Variants in PRKN observed in about 807,000 individuals in gnomAD.
PRKN encodes parkin RBR E3 ubiquitin protein ligase, also known as E3 ubiquitin-protein ligase parkin.
A neutral mutation model predicts 59.5 loss-of-function variants in PRKN; 56 were observed. The observed-to-expected ratio is 0.94, with a 90% CI of 0.76 to 1.18. PRKN has a LOEUF of 1.18. PRKN is among the 50% of genes most tolerant of loss of function. The probability of loss-of-function intolerance (pLI) is 0.00; values close to 1 mark genes in which losing one functional copy is unlikely to be tolerated. For missense variants in PRKN, 657 were observed against 596.4 expected (o/e 1.10, Z -1.06); for synonymous variants, 250 against 222.1 (o/e 1.13, Z -1.12).
intron 7 of PRKN, among the ~76,000 whole-genome samples, chr6:161,587,436 T>C (rs1481884106): frequency 3.3e-5 from 5 of 152,212 alleles, no homozygotes; most frequent in Non-Finnish European, 2.9e-5. Context: ...TCATTATATG[T>C]CTGTGTAACA....
intron 6 of PRKN, among the ~76,000 whole-genome samples, chr6:161,813,949 T>C (rs1006535881): frequency 6.6e-6 from 1 of 152,230 alleles, no homozygotes; most frequent in Non-Finnish European, 1.5e-5. Flanking sequence ...TGATTCTGTT[T>C]CATACTCAGA....
chr6:162,317,615 T>C (rs989850676), intron 2 of PRKN, among the ~76,000 whole-genome samples: 11 of 152,020 alleles, frequency 7.2e-5, no homozygotes, highest in East Asian at 2.0e-4. Context: ...ACTCACTCGA[T>C]TGGGGAGAAA....
At chr6:162,147,344 G>GAAAA (rs767653516) in intron 4 of PRKN, among the ~76,000 whole-genome samples, 42 of 42,048 alleles carry the variant, frequency 1.0e-3, no homozygotes, top group Non-Finnish European at 1.9e-3. Context: ...CTCTGTCTCA[G>GAAAA]AAAAAAAAAA....
Position 161,548,806 on chromosome 6 carries a change from C to G in PRKN, c.1083+48G>C. ...TATAATCCCAGCCCATGTGCAAAAG[C>G]AAACAAGGACAGGAACACACCGCTC... On this transcript the variant is annotated intron_variant, in intron 9 of 11. Coordinates refer to ENST00000366898, the MANE Select transcript of PRKN (RefSeq NM_004562.3). The surrounding 1 kb of genome is among the most constrained non-coding windows in gnomAD (Gnocchi z 4.2). 6.3e-7 allele frequency: 1 copy of G among 1,576,970 alleles called. No individual in the cohort carries two copies. Among genetic ancestry groups the G allele is most frequent in the Non-Finnish European group, 8.7e-7 (1 of 1,150,048 alleles).
chr6:162,712,507 G>A (rs1020342685), intron 1 of PRKN, among the ~76,000 whole-genome samples: 1 of 152,130 alleles, frequency 6.6e-6, no homozygotes, highest in Non-Finnish European at 1.5e-5. Flanking sequence ...AGGGGCAAAG[G>A]AACTAGAGTA....
At chr6:161,693,151 T>C (rs373732172) in intron 7 of PRKN, among the ~76,000 whole-genome samples, 7 of 152,112 alleles carry the variant, frequency 4.6e-5, no homozygotes, top group African/African-American at 1.7e-4. Context: ...AAAAAGCTTA[T>C]AAAACATAGA....
chr6:162,048,486 G>C (rs1321244716), intron 5 of PRKN, among the ~76,000 whole-genome samples: 2 of 151,964 alleles, frequency 1.3e-5, no homozygotes, highest in Admixed American at 6.6e-5. Flanking sequence ...TTACGAGTTA[G>C]GATTCGGAAC....
At position 162,005,086 on chromosome 6, in the gene PRKN, T is replaced by C. The variant is rs1034302939; in HGVS notation, c.619-31669A>G. Among the ~76,000 whole-genome samples the C allele has an allele frequency of 1.1e-4, 17 of 152,334 alleles. 4 individuals carry two copies. Among genetic ancestry groups the C allele is most frequent in the Admixed American group, 9.8e-4 (15 of 15,296 alleles). On this transcript the variant is annotated intron_variant, in intron 5 of 11. Coordinates refer to ENST00000366898, the MANE Select transcript of PRKN (RefSeq NM_004562.3). ...AGTAATAGCTTTTGAAATCTGAAGA[T>C]ATGCCTGAAAAAGAAAGCTAATATA...
intron 6 of PRKN, among the ~76,000 whole-genome samples, chr6:161,964,912 C>A (rs1159543994): frequency 6.6e-6 from 1 of 152,134 alleles, no homozygotes; most frequent in South Asian, 2.1e-4. Flanking sequence ...AAAGAACTTA[C>A]ACAGTAATTC....
intron 2 of PRKN, among the ~76,000 whole-genome samples, chr6:162,427,307 C>T (rs888275095): frequency 3.6e-4 from 55 of 152,262 alleles, no homozygotes; most frequent in African/African-American, 1.2e-3. Context: ...TGCACAAATA[C>T]CACACCCAGG....
intron 1 of PRKN, among the ~76,000 whole-genome samples, chr6:162,564,245 T>G (rs2128206918): frequency 6.6e-6 from 1 of 152,000 alleles, no homozygotes; most frequent in Admixed American, 6.6e-5. Context: ...GTTGGGAGGC[T>G]AAGGCAGAAG....
At chr6:162,540,064 C>T (rs916941218) in intron 1 of PRKN, among the ~76,000 whole-genome samples, 5 of 151,858 alleles carry the variant, frequency 3.3e-5, no homozygotes, top group African/African-American at 1.2e-4. Flanking sequence ...TATAGGCGCC[C>T]ACCACCATGC....
At chr6:161,710,919 T>C (rs1315001146) in intron 7 of PRKN, among the ~76,000 whole-genome samples, 9 of 109,700 alleles carry the variant, frequency 8.2e-5, no homozygotes, top group South Asian at 3.9e-4. Flanking sequence ...CTTTCCTTCC[T>C]TCCTCACCCC....
chr6:162,152,141 T>C (rs1360014929), intron 4 of PRKN, among the ~76,000 whole-genome samples: 1 of 152,160 alleles, frequency 6.6e-6, no homozygotes, highest in African/African-American at 2.4e-5. Context: ...TGATTTTACC[T>C]TCCCAAACTG....
intron 1 of PRKN, among the ~76,000 whole-genome samples, chr6:162,652,220 C>T (rs1461294776): frequency 1.8e-4 from 28 of 152,164 alleles, no homozygotes; most frequent in African/African-American, 2.4e-5. Flanking sequence ...TTTGGGCATA[C>T]GTGGTGTCTA....
At chr6:162,199,125 T>C (rs1784617428) in intron 4 of PRKN, among the ~76,000 whole-genome samples, 1 of 152,046 alleles carries the variant, frequency 6.6e-6, no homozygotes, top group Non-Finnish European at 1.5e-5. Context: ...CACCGCCCCC[T>C]ACTGCCCACA....
At chr6:162,123,323 A>T (rs1780994201) in intron 4 of PRKN, among the ~76,000 whole-genome samples, 1 of 152,218 alleles carries the variant, frequency 6.6e-6, no homozygotes, top group Admixed American at 6.5e-5. Context: ...ACAATGGGAA[A>T]AAAAGGCAAC....
intron 9 of PRKN, among the ~76,000 whole-genome samples, chr6:161,415,401 A>T (rs1391708298): frequency 1.3e-5 from 2 of 152,042 alleles, no homozygotes; most frequent in Admixed American, 6.5e-5. Flanking sequence ...AACAATAACG[A>T]CACTACCTAC....
In PRKN at chr6:162,254,073, A is replaced by G. The variant is rs1299761177; in HGVS notation, c.412+8452T>C. ...GAGTGTCTTATCTCCAAACAGAACA[A>G]CTTCATGAAGATGCATACACACTTT... On this transcript the variant is annotated intron_variant, in intron 3 of 11. Transcript: ENST00000366898. Among the ~76,000 whole-genome samples the G allele has an allele frequency of 2.0e-5, 3 of 152,154 alleles. No individual in the cohort carries two copies. In the East Asian group the frequency reaches 5.8e-4, roughly 29 times the overall value.
Sources: gnomAD v4.1 joint callset for allele counts (sites outside exome capture counted in the v4.1 genomes callset) on GRCh38, gnomAD v4.1.1 for gene constraint, Gnocchi (gnomAD v3.1) non-coding constraint, MANE v1.5 for transcripts, NCBI Gene and HGNC (gene_info 2026-07-23, HGNC 2026-07-21) for gene names.